Variants in CNTNAP4 observed in about 807,000 individuals in gnomAD.
CNTNAP4 encodes the protein contactin associated protein family member 4.
Under a neutral mutation model 148.4 loss-of-function variants are expected in CNTNAP4, and 98 were observed. The ratio of observed to expected loss-of-function variants is 0.66; its 90% CI spans 0.56 to 0.78. CNTNAP4 has a LOEUF of 0.78. Among genes scored for constraint, CNTNAP4 ranks in the 30% least tolerant of loss-of-function variants. The pLI is 0.00. For missense variants in CNTNAP4, 1,935 were observed against 1,565.6 expected (o/e 1.24, Z -3.98); for synonymous variants, 730 against 565.1 (o/e 1.29, Z -4.14).
intron 12 of CNTNAP4, among the ~76,000 whole-genome samples, chr16:76,489,386 C>T (rs1034879405): frequency 2.0e-5 from 3 of 151,952 alleles, no homozygotes; most frequent in African/African-American, 7.3e-5. Flanking sequence ...AAATACATCA[C>T]AAAAATAATC....
chr16:76,538,254 G>C lies in CNTNAP4; in HGVS notation c.3134G>C (p.Ser1045Thr). 1 of 1,610,960 alleles carries C rather than the reference G, an allele frequency of 6.2e-7. No homozygotes were observed. The highest frequency in any genetic ancestry group is 1.7e-5 in the Admixed American group (1 of 59,064). Residue 1045 changes from serine (S) to threonine (T), a missense_variant, in exon 19 of 24, where the codon AGT (serine) becomes ACT (threonine). Physicochemically the swap from Ser to Thr is moderately conservative, Grantham distance 58 (BLOSUM62 1). Coordinates refer to ENST00000611870, the MANE Select transcript of CNTNAP4 (RefSeq NM_033401.5). ...MKLSREMIKF[S>T]FRTTRTPSLL... ...CTGAGCAGAGAAATGATCAAATTTA[G>C]TTTCCGAACAACACGAACACCAAGC... is the stretch of plus-strand genomic sequence containing the variant.
chr16:76,333,846 A>G (rs377667036), intron 2 of CNTNAP4, among the ~76,000 whole-genome samples: 2 of 140,580 alleles, frequency 1.4e-5, no homozygotes, highest in Non-Finnish European at 3.0e-5. Context: ...TTCTTCCACA[A>G]TGGTTGAACT....
At position 76,324,815 on chromosome 16, in the gene CNTNAP4, C is replaced by G. The variant is rs1962795378; in HGVS notation, c.196+8292C>G. 2.6e-5 allele frequency among the ~76,000 whole-genome samples: 4 copies of G among 152,080 alleles called. No individual in the cohort carries two copies. The South Asian group carries it at 6.2e-4, about 24-fold the overall frequency. On this transcript the variant is annotated intron_variant, in intron 2 of 23. Transcript: ENST00000611870. ...GAGATCTCTCTCTCTGTTTCCTCTT[C>G]TTATAAAAGCATTAATCATATCATG...
chr16:76,494,362 T>G (rs2082328658), intron 13 of CNTNAP4, among the ~76,000 whole-genome samples: 1 of 152,148 alleles, frequency 6.6e-6, no homozygotes, highest in Middle Eastern at 3.2e-3. Context: ...GAAGATAAAA[T>G]ATATACTTCC....
intron 17 of CNTNAP4, among the ~76,000 whole-genome samples, chr16:76,528,844 A>C (rs2083852698): frequency 6.6e-6 from 1 of 152,230 alleles, no homozygotes; most frequent in Non-Finnish European, 1.5e-5. Context: ...TGATAAATGG[A>C]GTTTCAGAGA....
chr16:76,455,877 A>G lies in CNTNAP4; in HGVS notation c.1333+3108A>G, dbSNP rs2080710723. Among the ~76,000 whole-genome samples the G allele has an allele frequency of 2.0e-5, 3 of 152,298 alleles. 1 individual carries two copies. The South Asian group carries it at 6.2e-4, about 32-fold the overall frequency. On this transcript the variant is annotated intron_variant, in intron 8 of 23. Transcript: ENST00000611870. Reference sequence around the variant, plus strand: ...AGAGGGTGATGACAACTAAGCTCTCATGTTTCTGATGCAATTTAGGACTGG... The same window carrying G: ...AGAGGGTGATGACAACTAAGCTCTCGTGTTTCTGATGCAATTTAGGACTGG...
intron 3 of CNTNAP4, among the ~76,000 whole-genome samples, chr16:76,408,087 ATTAAGGCATATACATTT>A (rs1555546813): frequency 1.3e-5 from 2 of 152,122 alleles, no homozygotes; most frequent in African/African-American, 2.4e-5. Flanking sequence ...GTATTTTAAA[ATTAAGGCATATACATTT>A]TTAAGGCATA....
intron 17 of CNTNAP4, among the ~76,000 whole-genome samples, chr16:76,527,668 A>G (rs1211668676): frequency 1.3e-5 from 2 of 152,222 alleles, no homozygotes; most frequent in Non-Finnish European, 2.9e-5. Context: ...TTTAGAGATT[A>G]AACATACAAC....
chr16:76,430,892 T>C (rs184697305), intron 4 of CNTNAP4, among the ~76,000 whole-genome samples: 10 of 152,324 alleles, frequency 6.6e-5, no homozygotes, highest in South Asian at 2.1e-4. Context: ...GTGCCCTTGA[T>C]AACTATGTGA....
intron 3 of CNTNAP4, among the ~76,000 whole-genome samples, chr16:76,393,359 A>G (rs969184669): frequency 6.6e-6 from 1 of 152,206 alleles, no homozygotes; most frequent in African/African-American, 2.4e-5. Context: ...ATATGCTGTC[A>G]TTTACTTTAC....
At chr16:76,528,219 C>T (rs556291108) in intron 17 of CNTNAP4, among the ~76,000 whole-genome samples, 16 of 152,120 alleles carry the variant, frequency 1.1e-4, no homozygotes, top group Admixed American at 7.9e-4. Flanking sequence ...CTAACTGGGT[C>T]TATGTTGGTA....
intron 3 of CNTNAP4, among the ~76,000 whole-genome samples, chr16:76,365,092 C>T (rs3974451): frequency 0.51 from 77,695 of 152,012 alleles, 20,501 homozygotes; most frequent in African/African-American, 0.62. Context: ...TTTCTGCATA[C>T]GGCTAGCCAG....
intron 9 of CNTNAP4, among the ~76,000 whole-genome samples, chr16:76,464,928 A>T (rs1490272905): frequency 6.6e-6 from 1 of 152,156 alleles, no homozygotes; most frequent in Non-Finnish European, 1.5e-5. Context: ...CTAGATTGAG[A>T]ATGGCTGGGT....
chr16:76,466,761 T>G (rs1350161458), intron 9 of CNTNAP4, among the ~76,000 whole-genome samples: 1 of 152,066 alleles, frequency 6.6e-6, no homozygotes, highest in Non-Finnish European at 1.5e-5. Flanking sequence ...AAAATCAAAC[T>G]GTGAAATATT....
chr16:76,528,714 G>A (rs1355309976), intron 17 of CNTNAP4, among the ~76,000 whole-genome samples: 2 of 152,116 alleles, frequency 1.3e-5, no homozygotes, highest in African/African-American at 2.4e-5. Flanking sequence ...GAAACTGTGA[G>A]GAAAGATTAA....
chr16:76,540,904 CTATTTTGATT>C, intron 21 of CNTNAP4, 114 bp downstream of exon 21: 1 of 676,630 alleles, frequency 1.5e-6, no homozygotes, highest in Non-Finnish European at 2.5e-6. Flanking sequence ...AATCCCTTGC[CTATTTTGATT>C]ATGAAGTGAG....
chr16:76,400,254 T>TTA (rs758837558), intron 3 of CNTNAP4, among the ~76,000 whole-genome samples: 29 of 152,190 alleles, frequency 1.9e-4, no homozygotes, highest in Admixed American at 3.3e-4. Context: ...TTTTGATACT[T>TTA]ATATACATTG....
chr16:76,292,274 G>A (rs555881482), intron 1 of CNTNAP4, among the ~76,000 whole-genome samples: 1 of 152,204 alleles, frequency 6.6e-6, no homozygotes, highest in South Asian at 2.1e-4. Flanking sequence ...TCCCCTTCCT[G>A]CTCAAGAATT....
chr16:76,545,495 T>C (rs911263678), intron 21 of CNTNAP4, among the ~76,000 whole-genome samples: 1 of 152,086 alleles, frequency 6.6e-6, no homozygotes, highest in Non-Finnish European at 1.5e-5. Flanking sequence ...CCCCGTGGAG[T>C]GGGCAAGTGT....
Sources: allele counts gnomAD v4.1 joint callset (sites outside exome capture counted in the v4.1 genomes callset), GRCh38; gene constraint gnomAD v4.1.1; transcripts MANE v1.5; gene names NCBI Gene and HGNC (gene_info 2026-07-23, HGNC 2026-07-21).